CAPZB: variants seen among roughly 807,000 people sequenced by gnomAD.
CAPZB encodes the protein F-actin-capping protein subunit beta.
In CAPZB, 2 loss-of-function variants were observed where a neutral mutation model predicts 38.1. That is an observed-to-expected ratio of 0.05 (90% confidence interval 0.02 to 0.17). The LOEUF (loss-of-function observed/expected upper bound fraction) is 0.17. CAPZB is among the 10% of genes least tolerant of loss of function. CAPZB has a pLI of 1.00. For synonymous variants in CAPZB, 107 were observed against 127.4 expected, an observed-to-expected ratio of 0.84 and a Z score of 1.08; for missense variants, 161 against 334.2, an observed-to-expected ratio of 0.48 and a Z score of 4.04.
chr1:19,485,374 G>A (rs994896770), intron 1 of CAPZB, 62 bp downstream of exon 1: 1 of 1,127,736 alleles, frequency 8.9e-7, no homozygotes, highest in Non-Finnish European at 1.1e-6. Flanking sequence ...GATGGGCAGG[G>A]GGAGGGGGAC....
At position 19,464,924 on chromosome 1, in the gene CAPZB, A is replaced by T. The variant is rs2100754266; in HGVS notation, c.3+20512T>A. ...GGGGAAAAGGGCCAAAGGGGCATGA[A>T]GGGACTTTTTAGGGTGAGGAAACTG... On this transcript the variant is annotated intron_variant, in intron 1 of 8. Coordinates refer to ENST00000264202, the MANE Select transcript of CAPZB (RefSeq NM_004930.5). Among the ~76,000 whole-genome samples the T allele has an allele frequency of 1.3e-5, 2 of 152,322 alleles. 1 individual carries two copies. The highest frequency in any genetic ancestry group is 4.1e-4 in the South Asian group (2 of 4,822).
chr1:19,384,310 C>A (rs1028929089), intron 3 of CAPZB, among the ~76,000 whole-genome samples: 7 of 152,180 alleles, frequency 4.6e-5, no homozygotes, highest in African/African-American at 7.2e-5. Context: ...GTGAGCTCAT[C>A]ACCCAGGGCC....
rs552033146 is a variant in CAPZB at position 19,456,772 on chromosome 1, C to T, written c.3+28664G>A. Among the ~76,000 whole-genome samples the T allele has an allele frequency of 5.6e-3, 854 of 152,328 alleles. 3 individuals carry two copies. The highest frequency in any genetic ancestry group is 0.018 in the African/African-American group (766 of 41,574). On this transcript the variant is annotated intron_variant, in intron 1 of 8. Coordinates refer to ENST00000264202, the MANE Select transcript of CAPZB (RefSeq NM_004930.5). ...CAGGGGCTGCTCAGATCACAGGAAT[C>T]CCAAACCTAACAAAAACCCAATAAT... is the stretch of plus-strand genomic sequence containing the variant.
At chr1:19,363,250 T>TA (rs1316145411) in intron 4 of CAPZB, among the ~76,000 whole-genome samples, 39 of 119,818 alleles carry the variant, frequency 3.3e-4, no homozygotes, top group East Asian at 1.0e-3. Context: ...CATGGCTAAT[T>TA]AAAAAAAAAA....
intron 2 of CAPZB, among the ~76,000 whole-genome samples, chr1:19,393,091 G>A (rs1017918077): frequency 3.3e-5 from 5 of 152,208 alleles, no homozygotes; most frequent in South Asian, 2.1e-4. Flanking sequence ...GGGCAGCTTC[G>A]TTACAGGGAC....
chr1:19,380,459 C>G (rs2094168149), intron 3 of CAPZB, among the ~76,000 whole-genome samples: 2 of 152,262 alleles, frequency 1.3e-5, no homozygotes, highest in South Asian at 4.1e-4. Context: ...TGTCAACAAG[C>G]TGGGACCCCA....
In CAPZB at chr1:19,339,240, A is replaced by G. The variant is rs2093914587; in HGVS notation, c.*290T>C. 4.8e-6 allele frequency: 2 copies of G among 417,144 alleles called. No homozygotes were observed. Among genetic ancestry groups the G allele is most frequent in the Non-Finnish European group, 8.7e-6 (2 of 230,504 alleles). 25.8% of individuals were successfully genotyped at this position (417,144 alleles called of 1,614,324 possible). ...GGCAGACAGTGGATTTTATGCCTAT[A>G]AATGGGGGGACAGGGAGGAAGACGG... On this transcript the variant is annotated 3_prime_UTR_variant, in exon 9 of 9. Coordinates refer to ENST00000264202, the MANE Select transcript of CAPZB (RefSeq NM_004930.5).
chr1:19,358,357 C>A (rs2094032990), intron 4 of CAPZB, among the ~76,000 whole-genome samples: 1 of 152,192 alleles, frequency 6.6e-6, no homozygotes, highest in Admixed American at 6.5e-5. Context: ...AGGCTGGTCT[C>A]AAAACCCTGA....
chr1:19,438,348 T>C (rs2094464854), intron 1 of CAPZB, among the ~76,000 whole-genome samples: 1 of 152,162 alleles, frequency 6.6e-6, no homozygotes. Context: ...ACTTCGATAA[T>C]GCCTCCAGAA....
intron 1 of CAPZB, among the ~76,000 whole-genome samples, chr1:19,443,897 GTCTGAATGAAATA>G (rs1331281178): frequency 6.6e-6 from 1 of 152,198 alleles, no homozygotes; most frequent in Non-Finnish European, 1.5e-5. Context: ...ACACACAAAA[GTCTGAATGAAATA>G]TCTGGTGGGT....
intron 2 of CAPZB, among the ~76,000 whole-genome samples, chr1:19,414,641 G>T (rs1319359517): frequency 6.6e-6 from 1 of 152,202 alleles, no homozygotes; most frequent in Non-Finnish European, 1.5e-5. Context: ...AGGATGGAAG[G>T]CCTGCTGGGT....
At chr1:19,459,893 G>A (rs567340895) in intron 1 of CAPZB, among the ~76,000 whole-genome samples, 8 of 152,176 alleles carry the variant, frequency 5.3e-5, no homozygotes, top group South Asian at 2.1e-4. Context: ...CCATAGTCAC[G>A]TAGTTGCCTT....
At chr1:19,461,096 C>CGGGGGGGG (rs67195695) in intron 1 of CAPZB, among the ~76,000 whole-genome samples, 1 of 113,120 alleles carries the variant, frequency 8.8e-6, no homozygotes, top group Non-Finnish European at 1.8e-5. Context: ...TGGGCGGGGG[C>CGGGGGGGG]GGGGGGGGGA....
Position 19,357,196 on chromosome 1 carries a change from C to G in CAPZB, c.471+226G>C, listed in dbSNP as rs2094026277. ...TATTGTCTTTCTTAAAAAATCTCAA[C>G]TGGTTTTTAAAGGGACATTTGTAAT... On this transcript the variant is annotated intron_variant, in intron 5 of 8. Transcript: ENST00000264202. This position sits in a 1 kb window ranked among gnomAD's most constrained non-coding sequence, Gnocchi z 4.3. Among the ~76,000 whole-genome samples, 1 of 152,196 alleles carries G rather than the reference C, an allele frequency of 6.6e-6. No individual in the cohort carries two copies.
chr1:19,409,329 T>C lies in CAPZB; in HGVS notation c.93+10332A>G, dbSNP rs76483938. Among the ~76,000 whole-genome samples the C allele has an allele frequency of 2.0e-3, 299 of 152,112 alleles. 2 individuals carry two copies. Among genetic ancestry groups the C allele is most frequent in the African/African-American group, 7.0e-3 (289 of 41,506 alleles). On this transcript the variant is annotated intron_variant, in intron 2 of 8. Coordinates refer to ENST00000264202, the MANE Select transcript of CAPZB (RefSeq NM_004930.5). ...CACTTCATTAGAAAGTCACGAAATG[T>C]GCAGGTCACAGTCCAACAAGAAACG...
chr1:19,458,966 A>T (rs1451982787), intron 1 of CAPZB, among the ~76,000 whole-genome samples: 1 of 152,246 alleles, frequency 6.6e-6, no homozygotes, highest in African/African-American at 2.4e-5. Flanking sequence ...TTCGAAGGGC[A>T]GAAACAGCTC....
intron 4 of CAPZB, among the ~76,000 whole-genome samples, chr1:19,367,879 T>C (rs991551990): frequency 2.6e-5 from 4 of 152,208 alleles, no homozygotes; most frequent in Non-Finnish European, 4.4e-5. Context: ...TATCTGGCTC[T>C]GGGATCTGGT....
intron 1 of CAPZB, among the ~76,000 whole-genome samples, chr1:19,431,814 C>CA (rs2094442726): frequency 6.6e-6 from 1 of 151,950 alleles, no homozygotes; most frequent in South Asian, 2.1e-4. Context: ...CAATGGCTTA[C>CA]ACCTGTAATC....
intron 3 of CAPZB, among the ~76,000 whole-genome samples, chr1:19,384,573 C>T (rs1185392757): frequency 6.6e-6 from 1 of 152,250 alleles, no homozygotes; most frequent in Non-Finnish European, 1.5e-5. Context: ...TTGAAGCCCA[C>T]ACTGGCTGAC....
Sources: gnomAD v4.1 joint callset for allele counts (sites outside exome capture counted in the v4.1 genomes callset) on GRCh38, gnomAD v4.1.1 for gene constraint, Gnocchi (gnomAD v3.1) non-coding constraint, MANE v1.5 for transcripts, NCBI Gene and HGNC (gene_info 2026-07-23, HGNC 2026-07-21) for gene names.